The following MRPL3 variants were observed in gnomAD, a reference collection of about 807,000 sequenced individuals.
MRPL3 encodes mitochondrial ribosomal protein L3.
A neutral mutation model predicts 44.3 loss-of-function variants in MRPL3; 43 were observed. That is an observed-to-expected ratio of 0.97 (90% CI 0.76 to 1.25). The LOEUF is 1.25. Among genes scored for constraint, MRPL3 ranks in the 50% most tolerant of loss-of-function variants. MRPL3 has a pLI of 0.00. For missense variants in MRPL3, 406 were observed against 427.6 expected, an observed-to-expected ratio of 0.95 and a Z score of 0.45; for synonymous variants, 171 against 152.3, an observed-to-expected ratio of 1.12 and a Z score of -0.91.
intron 6 of MRPL3, among the ~76,000 whole-genome samples, chr3:131,482,770 T>A (rs1934020116): frequency 1.3e-5 from 2 of 152,034 alleles, no homozygotes; most frequent in Non-Finnish European, 2.9e-5. Context: ...ATAAATAAAT[T>A]ACAGATAACC....
chr3:131,502,867 C>T lies in MRPL3; in HGVS notation c.-46G>A, dbSNP rs373728194. ...GACTCACGACTTCCGGGCGCCCTGC[C>T]GCTCTGCTTTCAGGGAGTCCCCACG... On this transcript the variant is annotated 5_prime_UTR_variant, in exon 1 of 10. Coordinates refer to ENST00000264995, the MANE Select transcript of MRPL3 (RefSeq NM_007208.4). 3 of 1,578,864 alleles carry T rather than the reference C, an allele frequency of 1.9e-6. No individual in the cohort carries two copies. Among genetic ancestry groups the T allele is most frequent in the Admixed American group, 1.7e-5 (1 of 58,164 alleles).
intron 7 of MRPL3, 120 bp downstream of exon 7, chr3:131,471,051 A>G (rs1933731261): frequency 1.5e-6 from 1 of 679,294 alleles, no homozygotes; most frequent in Admixed American, 2.5e-5. Context: ...GGTGACAAGT[A>G]CATGGAGTCC....
chr3:131,476,849 T>C (rs1420524751), intron 6 of MRPL3, among the ~76,000 whole-genome samples: 2 of 152,204 alleles, frequency 1.3e-5, no homozygotes, highest in East Asian at 1.9e-4. Context: ...TTACTGGCTA[T>C]AGCTGTGTCC....
At chr3:131,470,369 T>C (rs944226265) in intron 7 of MRPL3, among the ~76,000 whole-genome samples, 21 of 152,158 alleles carry the variant, frequency 1.4e-4, no homozygotes, top group Admixed American at 3.9e-4. Context: ...ATCTGAATTA[T>C]GACTAAAATG....
chr3:131,473,237 C>A (rs1240519437), intron 6 of MRPL3, among the ~76,000 whole-genome samples: 1 of 152,006 alleles, frequency 6.6e-6, no homozygotes, highest in Non-Finnish European at 1.5e-5. Flanking sequence ...CGGAACAGAA[C>A]AGAGAGCCCA....
intron 9 of MRPL3, among the ~76,000 whole-genome samples, chr3:131,465,931 C>G (rs1933592601): frequency 6.9e-6 from 1 of 144,566 alleles, no homozygotes. Flanking sequence ...AGGTCCCACT[C>G]TGTTGCCCAG....
chr3:131,466,342 C>A (rs1933600349), intron 9 of MRPL3, among the ~76,000 whole-genome samples: 1 of 151,942 alleles, frequency 6.6e-6, no homozygotes, highest in African/African-American at 2.4e-5. Context: ...ACTTCTAATA[C>A]AAACTTATTT....
chr3:131,500,500 A>C lies in MRPL3; in HGVS notation c.299T>G (p.Ile100Ser). The change falls in exon 3 of 10, where the codon ATT becomes AGT. Residue 100 changes from isoleucine to serine, a missense_variant. Physicochemically the swap from Ile to Ser is moderately radical, Grantham distance 142 (BLOSUM62 -2). Coordinates refer to ENST00000264995, the MANE Select transcript of MRPL3 (RefSeq NM_007208.4). Reference protein sequence around the residue: ...WEPGSFRVGLIALKLGMMPLW... With the variant: ...WEPGSFRVGLSALKLGMMPLW... ...AGGCATCATGCCCAGCTTCAAGGCAATAAGACCAACTCTAAAGGAACCTGG... is the reference window on the plus strand; with the variant it reads ...AGGCATCATGCCCAGCTTCAAGGCACTAAGACCAACTCTAAAGGAACCTGG... The C allele has an allele frequency of 6.2e-7, 1 of 1,613,896 alleles. No homozygotes were observed. The highest frequency in any genetic ancestry group is 2.2e-5 in the East Asian group (1 of 44,866).
chr3:131,486,485 T>C (rs926654940), intron 6 of MRPL3, among the ~76,000 whole-genome samples: 1 of 148,382 alleles, frequency 6.7e-6, no homozygotes, highest in Non-Finnish European at 1.5e-5. Context: ...TTAGGGTACA[T>C]GTGCACATTG....
At chr3:131,489,910 A>T in intron 5 of MRPL3, 71 bp downstream of exon 5, 1 of 867,356 alleles carries the variant, frequency 1.2e-6, no homozygotes, top group Non-Finnish European at 1.9e-6. Flanking sequence ...AGCTTTATTG[A>T]AAGGGCTGAC....
chr3:131,477,256 C>T (rs1264490703), intron 6 of MRPL3, among the ~76,000 whole-genome samples: 1 of 152,154 alleles, frequency 6.6e-6, no homozygotes, highest in Non-Finnish European at 1.5e-5. Flanking sequence ...TAAACCCATC[C>T]ATTCTGTGTC....
At chr3:131,490,945 T>C (rs141375040) in intron 4 of MRPL3, among the ~76,000 whole-genome samples, 1 of 152,274 alleles carries the variant, frequency 6.6e-6, no homozygotes, top group Non-Finnish European at 1.5e-5. Context: ...AAGCACTAAT[T>C]CCCACCCCTT....
In MRPL3 at chr3:131,462,548, A is replaced by T; in HGVS notation, c.*175T>A. On this transcript the variant is annotated 3_prime_UTR_variant, in exon 10 of 10. Transcript: ENST00000264995. ...CTTAACTCATATATTTAATGTGGTA[A>T]TTTTTCTAACAAAATTTAATGGGGG... 1 of 503,616 alleles carries T rather than the reference A, an allele frequency of 2.0e-6. No homozygotes were observed. 31.2% of individuals were successfully genotyped at this position (503,616 alleles called of 1,614,324 possible).
Position 131,462,818 on chromosome 3 carries a change from T to G in MRPL3, c.952A>C (p.Thr318Pro), listed in dbSNP as rs748461884. 1.9e-6 allele frequency: 3 copies of G among 1,612,846 alleles called. No homozygotes were observed. The South Asian group carries it at 3.3e-5, about 18-fold the overall frequency. ...KDLGKNLPFP[T>P]YFPDGDEEEL... is the part of the protein sequence containing the mutation. ...TCTTCATCTCCATCAGGAAAATATG[T>G]AGGGAATGGTAGATTTTTACCGAGA... The change falls in exon 10 of 10, where the codon ACA (threonine) becomes CCA (proline). Residue 318 changes from threonine to proline, a missense_variant. Thr to Pro is a conservative substitution (Grantham distance 38). Transcript: ENST00000264995.
intron 4 of MRPL3, among the ~76,000 whole-genome samples, chr3:131,495,895 T>C (rs1934361292): frequency 6.6e-6 from 1 of 152,200 alleles, no homozygotes; most frequent in African/African-American, 2.4e-5. Context: ...GTACTATTCC[T>C]TGTTTTTATG....
At chr3:131,476,033 A>G (rs1189372869) in intron 6 of MRPL3, among the ~76,000 whole-genome samples, 1 of 152,224 alleles carries the variant, frequency 6.6e-6, no homozygotes, top group Admixed American at 6.5e-5. Context: ...TTACTTAAAA[A>G]GAGAGCATGA....
chr3:131,478,533 T>G (rs1387389345), intron 6 of MRPL3, among the ~76,000 whole-genome samples: 1 of 152,142 alleles, frequency 6.6e-6, no homozygotes, highest in Non-Finnish European at 1.5e-5. Context: ...CTGAAAAATC[T>G]TAGTCATAGC....
chr3:131,474,963 TAG>T (rs1289138578), intron 6 of MRPL3, among the ~76,000 whole-genome samples: 2 of 151,908 alleles, frequency 1.3e-5, no homozygotes, highest in East Asian at 3.9e-4. Flanking sequence ...TTTTTTTTGG[TAG>T]AGAGAGGGAT....
chr3:131,500,445 C>A lies in MRPL3; in HGVS notation c.354G>T (p.Val118=), dbSNP rs1190109975. The A allele has an allele frequency of 1.2e-6, 2 of 1,613,514 alleles. No homozygotes were observed. The highest frequency in any genetic ancestry group is 2.2e-5 in the South Asian group (2 of 91,052). Residue 118 remains valine (V), a synonymous_variant, in exon 3 of 10, where the codon GTG becomes GTT. Transcript: ENST00000264995. The part of the protein sequence containing the change: ...PLWTKDGQKH[V]VTLLQVQDCH... The stretch of plus-strand genomic sequence containing the variant: ...TCTCTCTTACCTGAAGTAATGTGAC[C>A]ACATGCTTTTGACCATCCTTGGTCC...
Sources: gnomAD v4.1 joint callset for allele counts (sites outside exome capture counted in the v4.1 genomes callset) on GRCh38, gnomAD v4.1.1 for gene constraint, MANE v1.5 for transcripts, NCBI Gene and HGNC (gene_info 2026-07-23, HGNC 2026-07-21) for gene names.